The following MYH3 variants were observed in gnomAD, a reference collection of about 807,000 sequenced individuals.
The protein encoded by MYH3 is myosin-3.
Under a neutral mutation model 238.0 loss-of-function variants are expected in MYH3, and 130 were observed. That is an observed-to-expected ratio of 0.55 (90% CI 0.47 to 0.63). MYH3 has a LOEUF of 0.63. MYH3 is among the 30% of genes least tolerant of loss of function. The pLI, the probability that MYH3 is intolerant of heterozygous loss-of-function variation, is 0.00. For synonymous variants in MYH3, 880 were observed against 924.1 expected, an observed-to-expected ratio of 0.95 and a Z score of 0.86; for missense variants, 1,853 against 2,374.9, an observed-to-expected ratio of 0.78 and a Z score of 4.57.
At chr17:10,652,357 GC>G in intron 4 of MYH3, 62 bp downstream of exon 4, 2 of 1,585,838 alleles carry the variant, frequency 1.3e-6, no homozygotes, top group African/African-American at 2.7e-5. Context: ...ACATACCTCT[GC>G]CTCCCTCCCC....
At chr17:10,653,017 G>C (rs1212029568) in intron 3 of MYH3, among the ~76,000 whole-genome samples, 4 of 152,160 alleles carry the variant, frequency 2.6e-5, no homozygotes, top group African/African-American at 4.8e-5. Context: ...AGCTCACAGC[G>C]AGAGGAGGAA....
At chr17:10,671,898 A>G in the MYH3 span, among the ~76,000 whole-genome samples, 1,649 of 152,240 alleles carry the variant, frequency 0.011, 23 homozygotes, top group African/African-American at 0.033. Flanking sequence ...ACCCGCGCCC[A>G]GCCAGGGTGT....
chr17:10,668,600 G>C, the MYH3 span, among the ~76,000 whole-genome samples: 1 of 152,140 alleles, frequency 6.6e-6, no homozygotes. Context: ...ACATAAACTG[G>C]ATATGAAATG....
chr17:10,650,705 T>C (rs1168239201), intron 5 of MYH3, among the ~76,000 whole-genome samples: 2 of 152,236 alleles, frequency 1.3e-5, no homozygotes, highest in African/African-American at 4.8e-5. Flanking sequence ...TATTTTTTTG[T>C]GGAGAAAACA....
intron 6 of MYH3, 99 bp from the exon 7 acceptor site, chr17:10,649,784 T>C: frequency 9.6e-7 from 1 of 1,038,630 alleles, no homozygotes; most frequent in Non-Finnish European, 1.5e-6. Context: ...GTCTGAGCCA[T>C]CTCTGACACA....
intron 2 of MYH3, among the ~76,000 whole-genome samples, chr17:10,655,843 G>A (rs2074424282): frequency 6.6e-6 from 1 of 152,082 alleles, no homozygotes; most frequent in Non-Finnish European, 1.5e-5. Context: ...GTAGAGACGG[G>A]GTTTCACCAT....
rs754323404 is a variant in MYH3 at position 10,637,837 on chromosome 17, T to C, written c.3828A>G (p.Thr1276=). 6.2e-7 allele frequency: 1 copy of C among 1,614,178 alleles called. No homozygotes were observed. The highest frequency in any genetic ancestry group is 1.1e-5 in the South Asian group (1 of 91,080). Residue 1276 remains threonine (T), a synonymous_variant, in exon 28 of 41, where the codon ACA becomes ACG. Coordinates refer to ENST00000583535, the MANE Select transcript of MYH3 (RefSeq NM_002470.4). Reference sequence around the variant, plus strand: ...CCTCGGTCTGCAAACGAGACTTCTGTGTGGTCAGCTCGCTCAGGCTCCTCT... The same window carrying C: ...CCTCGGTCTGCAAACGAGACTTCTGCGTGGTCAGCTCGCTCAGGCTCCTCT... ...EIQRSLSELT[T]QKSRLQTEAG... is the part of the protein sequence containing the mutation.
At chr17:10,663,932 G>A in the MYH3 span, among the ~76,000 whole-genome samples, 6 of 151,828 alleles carry the variant, frequency 4.0e-5, no homozygotes, top group Admixed American at 6.6e-5. Context: ...ATGTGGTGGC[G>A]TGCACCTGTA....
chr17:10,635,167 A>G, intron 30 of MYH3, 144 bp from the exon 31 acceptor site: 2 of 1,316,560 alleles, frequency 1.5e-6, no homozygotes, highest in East Asian at 4.8e-5. Context: ...TGTCTACTCA[A>G]AATCTGGGAT....
In MYH3 at chr17:10,630,315, C is replaced by T. The variant is rs1196090288; in HGVS notation, c.5430G>A (p.Lys1810=). The change falls in exon 37 of 41, where the codon AAG becomes AAA. Residue 1810 remains lysine (K), a synonymous_variant. Transcript: ENST00000583535. ...TGGTCTCCAGTTTCTGGATCTGCTT[C>T]TTCCCGCCCTTCAGCGCCAGCTGCT... The part of the protein sequence containing the change: ...EAEQLALKGG[K]KQIQKLETRI... The T allele has an allele frequency of 1.9e-6, 3 of 1,614,096 alleles. No homozygotes were observed. Among genetic ancestry groups the T allele is most frequent in the Middle Eastern group, 1.6e-4 (1 of 6,084 alleles).
In MYH3 at chr17:10,640,456, G is replaced by A. The variant is rs2074260182; in HGVS notation, c.2303C>T (p.Ala768Val). 6.2e-7 allele frequency: 1 copy of A among 1,614,066 alleles called. No individual in the cohort carries two copies. The highest frequency in any genetic ancestry group is 1.1e-5 in the South Asian group (1 of 91,092). Residue 768 changes from alanine (A) to valine (V), a missense_variant, in exon 21 of 41, where the codon GCT becomes GTT. Physicochemically the swap from Ala to Val is moderately conservative, Grantham distance 64 (BLOSUM62 0). Coordinates refer to ENST00000583535, the MANE Select transcript of MYH3 (RefSeq NM_002470.4). ...CTCTTCCAGGGTTCCCAGCAAGCCA[G>A]CCTTGAAGAACACCTTATGGGGCAG... ...KFGHTKVFFK[A>V]GLLGTLEEMR...
the MYH3 span, among the ~76,000 whole-genome samples, chr17:10,663,068 G>C: frequency 7.2e-5 from 11 of 151,948 alleles, no homozygotes; most frequent in Admixed American, 1.3e-4. Context: ...GCCTGGGTGA[G>C]AGAGTGAGAC....
rs756111159 is a variant in MYH3, at chr17:10,639,297, C to A, written c.3102+1G>T. 1 of 1,614,030 alleles carries A rather than the reference C, an allele frequency of 6.2e-7. No individual in the cohort carries two copies. Among genetic ancestry groups the A allele is most frequent in the African/African-American group, 1.3e-5 (1 of 74,924 alleles). On this transcript the variant is annotated splice_donor_variant, in intron 24 of 40. Transcript: ENST00000583535. LOFTEE classifies it high-confidence loss of function. The stretch of plus-strand genomic sequence containing the variant: ...ACTCCCGATGAGCATTATTTACTTA[C>A]GTCTTCCACTTGCTGTTCCAGTTTG...
In MYH3 at chr17:10,650,384, T is replaced by C. The variant is rs748140522; in HGVS notation, c.523A>G (p.Ile175Val). ...GCCATGGATACTTACGTGATCAGAA[T>C]GGACTGGTTTTCACGATCTGCCAGA... is the stretch of plus-strand genomic sequence containing the variant. ...FMLTDRENQS[I>V]LITGESGAGK... The change falls in exon 6 of 41, where the codon ATT becomes GTT. Residue 175 changes from isoleucine to valine, a missense_variant. Coordinates refer to ENST00000583535, the MANE Select transcript of MYH3 (RefSeq NM_002470.4). The C allele has an allele frequency of 1.7e-5, 27 of 1,612,726 alleles. 1 individual carries two copies. The South Asian group carries it at 2.9e-4, about 17-fold the overall frequency.
At chr17:10,653,087 G>A (rs1333168089) in intron 3 of MYH3, among the ~76,000 whole-genome samples, 2 of 152,136 alleles carry the variant, frequency 1.3e-5, no homozygotes, top group Non-Finnish European at 2.9e-5. Flanking sequence ...GTTATTCAGG[G>A]TGTCTTCTTC....
At chr17:10,646,883 A>G (rs545558194) in intron 10 of MYH3, among the ~76,000 whole-genome samples, 1 of 152,160 alleles carries the variant, frequency 6.6e-6, no homozygotes, top group East Asian at 1.9e-4. Flanking sequence ...CCTCATCTCT[A>G]CAAAAAACAC....
Position 10,635,035 on chromosome 17 carries a change from T to A in MYH3, c.4173-12A>T. 1 of 1,613,362 alleles carries A rather than the reference T, an allele frequency of 6.2e-7. No individual in the cohort carries two copies. The highest frequency in any genetic ancestry group is 2.2e-5 in the East Asian group (1 of 44,876). On this transcript the variant is annotated splice_polypyrimidine_tract_variant and intron_variant, in intron 30 of 40. Coordinates refer to ENST00000583535, the MANE Select transcript of MYH3 (RefSeq NM_002470.4). ...GAGCAAGTTTTTTCCTTAAAGAATA[T>A]GAAAGAGAAGCAGCTGTTATTTCAG...
rs751923434 is a variant in MYH3 at position 10,632,035 on chromosome 17, A to C, written c.4957-19T>G. The C allele has an allele frequency of 1.2e-6, 2 of 1,611,548 alleles. No individual in the cohort carries two copies. The highest frequency in any genetic ancestry group is 1.7e-6 in the Non-Finnish European group (2 of 1,179,796). Reference sequence around the variant, plus strand: ...GCGTATCCTAGCCAGAGAAAAACGAACATTCTATTTGAAGTTGAGGCGTTA... The same window carrying C: ...GCGTATCCTAGCCAGAGAAAAACGACCATTCTATTTGAAGTTGAGGCGTTA... On this transcript the variant is annotated intron_variant, in intron 34 of 40. Coordinates refer to ENST00000583535, the MANE Select transcript of MYH3 (RefSeq NM_002470.4).
rs375989909 is a variant in MYH3 at position 10,635,521 on chromosome 17, C to G, written c.4018G>C (p.Asp1340His). Residue 1340 changes from aspartate to histidine, a missense_variant, in exon 30 of 41, where the codon GAC becomes CAC. Asp to His is a moderately conservative substitution (Grantham distance 81). Coordinates refer to ENST00000583535, the MANE Select transcript of MYH3 (RefSeq NM_002470.4). ...LAHALQSSRHDCDLLREQYEE... is the reference protein window; with the variant it reads ...LAHALQSSRHHCDLLREQYEE... ...TACTGTTCCCGCAGCAGGTCACAGT[C>G]GTGGCGGGAGGACTGCAGGGCGTGC... is the stretch of plus-strand genomic sequence containing the variant. 6.2e-7 allele frequency: 1 copy of G among 1,614,184 alleles called. No homozygotes were observed. The highest frequency in any genetic ancestry group is 8.5e-7 in the Non-Finnish European group (1 of 1,180,020).
Sources: gnomAD v4.1 joint callset for allele counts (sites outside exome capture counted in the v4.1 genomes callset) on GRCh38, gnomAD v4.1.1 for gene constraint, MANE v1.5 for transcripts, NCBI Gene and HGNC (gene_info 2026-07-23, HGNC 2026-07-21) for gene names.